Variants in DNAH6 observed in about 807,000 individuals in gnomAD.
The protein encoded by DNAH6 is axonemal beta dynein heavy chain 6.
DNAH6 carries 340 observed loss-of-function variants against 491.4 expected under a neutral mutation model. That is an observed-to-expected ratio of 0.69 (90% CI 0.63 to 0.76). The LOEUF (loss-of-function observed/expected upper bound fraction) is 0.76, where lower values mean the gene tolerates loss of function less well. DNAH6 is among the 30% of genes least tolerant of loss of function. DNAH6 has a pLI of 0.00. For synonymous variants in DNAH6, 1,603 were observed against 1,686.1 expected, an observed-to-expected ratio of 0.95 and a Z score of 1.21; for missense variants, 4,443 against 4,972.2, an observed-to-expected ratio of 0.89 and a Z score of 3.20.
At chr2:84,812,212 T>C in intron 72 of DNAH6, 129 bp from the exon 73 acceptor site, 1 of 714,088 alleles carries the variant, frequency 1.4e-6, no homozygotes, top group South Asian at 1.9e-5. Context: ...CAGCAGACAG[T>C]GTGCAAAGAG....
intron 68 of DNAH6, among the ~76,000 whole-genome samples, chr2:84,787,975 A>G (rs1677367738): frequency 6.6e-6 from 1 of 152,152 alleles, no homozygotes. Flanking sequence ...CAGAAAGGAA[A>G]TCGATGATTT....
chr2:84,615,141 A>G (rs1686721804), intron 22 of DNAH6, among the ~76,000 whole-genome samples: 2 of 152,048 alleles, frequency 1.3e-5, no homozygotes, highest in South Asian at 2.1e-4. Context: ...TGTTTTTCCA[A>G]TATTATCTTC....
chr2:84,696,811 A>G (rs1164040606), intron 46 of DNAH6, among the ~76,000 whole-genome samples: 2 of 152,140 alleles, frequency 1.3e-5, no homozygotes, highest in African/African-American at 2.4e-5. Context: ...CAAAAAGTCT[A>G]TTTCAAAATA....
chr2:84,648,931 A>G (rs953886331), intron 33 of DNAH6, among the ~76,000 whole-genome samples: 1 of 152,232 alleles, frequency 6.6e-6, no homozygotes, highest in Non-Finnish European at 1.5e-5. Context: ...TTCACAAAAG[A>G]GTCGATGAAC....
intron 64 of DNAH6, among the ~76,000 whole-genome samples, chr2:84,776,009 G>C (rs1450763158): frequency 6.6e-6 from 1 of 151,994 alleles, no homozygotes; most frequent in African/African-American, 2.4e-5. Flanking sequence ...TTTATTGGGG[G>C]TTTTAGTTGG....
Position 84,749,958 on chromosome 2 carries a change from T to A in DNAH6, c.10512+4709T>A, listed in dbSNP as rs534970255. Among the ~76,000 whole-genome samples, 15 of 152,268 alleles carry A rather than the reference T, an allele frequency of 9.9e-5. No homozygotes were observed. In the South Asian group the frequency reaches 3.1e-3, roughly 32 times the overall value. ...AGAAGAGACTTAGGAGACAAAATAATCTCTATGTATAAGCTTTATTTAGAT... is the reference window on the plus strand; with the variant it reads ...AGAAGAGACTTAGGAGACAAAATAAACTCTATGTATAAGCTTTATTTAGAT... On this transcript the variant is annotated intron_variant, in intron 63 of 76. Coordinates refer to ENST00000389394, the MANE Select transcript of DNAH6 (RefSeq NM_001370.2).
rs753729067 is a variant in DNAH6, at chr2:84,819,392, G to A, written c.12461G>A (p.Cys4154Tyr). The A allele has an allele frequency of 6.4e-6, 10 of 1,550,394 alleles. No homozygotes were observed. In the South Asian group the frequency reaches 1.2e-4, roughly 18 times the overall value. The part of the protein sequence containing the change: ...YWIAKGSALL[C>Y]QLSE ...ATTGCCAAGGGATCAGCTTTGCTCT[G>A]CCAGCTGAGCGAATGAAAAGGTGCC... The change falls in exon 77 of 77, where the codon TGC (cysteine) becomes TAC (tyrosine). Residue 4154 changes from cysteine (C) to tyrosine (Y), a missense_variant. Physicochemically the swap from Cys to Tyr is radical, Grantham distance 194. Coordinates refer to ENST00000389394, the MANE Select transcript of DNAH6 (RefSeq NM_001370.2).
chr2:84,696,720 AC>A (rs1695428220), intron 46 of DNAH6, among the ~76,000 whole-genome samples: 1 of 152,072 alleles, frequency 6.6e-6, no homozygotes, highest in Non-Finnish European at 1.5e-5. Context: ...TAGTACTCAA[AC>A]TTTTATATAA....
At chr2:84,809,971 G>T (rs1053516191) in intron 72 of DNAH6, among the ~76,000 whole-genome samples, 3 of 152,178 alleles carry the variant, frequency 2.0e-5, no homozygotes, top group Non-Finnish European at 2.9e-5. Context: ...TCTCGATGGG[G>T]TGCTATGTGC....
At position 84,557,924 on chromosome 2, in the gene DNAH6, T is replaced by A. The variant is rs1680230400; in HGVS notation, c.1792T>A (p.Ser598Thr). 6.2e-7 allele frequency: 1 copy of A among 1,605,456 alleles called. No homozygotes were observed. The highest frequency in any genetic ancestry group is 1.1e-5 in the South Asian group (1 of 90,510). The change falls in exon 11 of 77, where the codon TCT becomes ACT. Residue 598 changes from serine to threonine, a missense_variant. By Grantham distance (58) the Ser-to-Thr change is moderately conservative. Coordinates refer to ENST00000389394, the MANE Select transcript of DNAH6 (RefSeq NM_001370.2). The part of the protein sequence containing the change: ...EDDKNFHTII[S>T]QIKETIQAAF... Reference sequence around the variant, plus strand: ...TGATAAGAATTTTCACACAATTATTTCTCAAATAAAGGTATGTTTACTCTG... The same window carrying A: ...TGATAAGAATTTTCACACAATTATTACTCAAATAAAGGTATGTTTACTCTG...
At chr2:84,812,899 A>G (rs570635684) in intron 73 of DNAH6, among the ~76,000 whole-genome samples, 159 bp from the exon 74 acceptor site, 16 of 152,314 alleles carry the variant, frequency 1.1e-4, no homozygotes, top group African/African-American at 2.9e-4. Context: ...CTGGCAGAAC[A>G]GGAAGGGGAA....
intron 61 of DNAH6, 49 bp from the exon 62 acceptor site, chr2:84,733,395 T>C: frequency 6.6e-7 from 1 of 1,516,520 alleles, no homozygotes; most frequent in Non-Finnish European, 8.9e-7. Context: ...TGAAAGTATA[T>C]TTTGTGATTG....
upstream of DNAH6, among the ~76,000 whole-genome samples, chr2:84,516,171 A>C (rs1320554115): frequency 1.3e-5 from 2 of 152,212 alleles, no homozygotes; most frequent in African/African-American, 4.8e-5. Context: ...TTGAAGGAAA[A>C]CAGAAAAGAA....
At chr2:84,711,233 A>G (rs1697015724) in intron 56 of DNAH6, among the ~76,000 whole-genome samples, 1 of 152,218 alleles carries the variant, frequency 6.6e-6, no homozygotes. Context: ...CTATGTGATG[A>G]GCTCAGCCAT....
the DNAH6 span, among the ~76,000 whole-genome samples, chr2:84,472,017 T>G: frequency 1.3e-5 from 2 of 152,196 alleles, no homozygotes; most frequent in African/African-American, 2.4e-5. Context: ...AATTCTTTCC[T>G]CTTTCCCAGC....
chr2:84,605,073 C>G (rs769842306), intron 19 of DNAH6, among the ~76,000 whole-genome samples: 1 of 152,046 alleles, frequency 6.6e-6, no homozygotes, highest in African/African-American at 2.4e-5. Flanking sequence ...GCAGGCCAGG[C>G]GTGGTGGCTC....
At chr2:84,789,400 G>T (rs1677532396) in intron 68 of DNAH6, among the ~76,000 whole-genome samples, 1 of 152,166 alleles carries the variant, frequency 6.6e-6, no homozygotes, top group African/African-American at 2.4e-5. Context: ...CAAGAGCAAA[G>T]CTTTCAATGG....
chr2:84,589,325 T>C (rs938565389), intron 16 of DNAH6, among the ~76,000 whole-genome samples: 1 of 152,206 alleles, frequency 6.6e-6, no homozygotes, highest in Non-Finnish European at 1.5e-5. Flanking sequence ...TACGTTATGA[T>C]TCCATTAATA....
chr2:84,797,288 C>T (rs956846140), intron 69 of DNAH6, among the ~76,000 whole-genome samples: 1 of 152,150 alleles, frequency 6.6e-6, no homozygotes, highest in African/African-American at 2.4e-5. Context: ...CTGGATTCTC[C>T]GCATCTTTAA....
Sources: gnomAD v4.1 joint callset for allele counts (sites outside exome capture counted in the v4.1 genomes callset) on GRCh38, gnomAD v4.1.1 for gene constraint, MANE v1.5 for transcripts, NCBI Gene and HGNC (gene_info 2026-07-23, HGNC 2026-07-21) for gene names.